MAN1C1: variants seen among roughly 807,000 people sequenced by gnomAD.
MAN1C1 encodes the protein mannosidase alpha class 1C member 1.
A neutral mutation model predicts 71.5 loss-of-function variants in MAN1C1; 49 were observed. That is an observed-to-expected ratio of 0.69 (90% CI 0.54 to 0.87). The LOEUF (loss-of-function observed/expected upper bound fraction) is 0.87, where lower values mean the gene tolerates loss of function less well. MAN1C1 is among the 40% of genes least tolerant of loss of function. The pLI, the probability that MAN1C1 is intolerant of heterozygous loss-of-function variation, is 0.00. For synonymous variants in MAN1C1, 352 were observed against 343.7 expected (o/e 1.02, Z -0.27); for missense variants, 743 against 835.0 (o/e 0.89, Z 1.36).
Position 25,711,799 on chromosome 1 carries a change from G to T in MAN1C1, c.637+25263G>T, listed in dbSNP as rs112257712. 4.1e-3 allele frequency among the ~76,000 whole-genome samples: 628 copies of T among 152,290 alleles called. 4 individuals are homozygous for T. In the Middle Eastern group the frequency reaches 0.068, roughly 16 times the overall value. On this transcript the variant is annotated intron_variant, in intron 2 of 11. Transcript: ENST00000374332. This position sits in a 1 kb window ranked among gnomAD's most constrained non-coding sequence, Gnocchi z 4.3. ...GTCTTTGCAAGCCGTGCTGTCCTGTGTGTGAAAGAGGATACTTTCTTTATT... is the reference window on the plus strand; with the variant it reads ...GTCTTTGCAAGCCGTGCTGTCCTGTTTGTGAAAGAGGATACTTTCTTTATT...
chr1:25,753,455 C>T lies in MAN1C1; in HGVS notation c.835-29C>T. ...GACCTTCCCTCACCCAGCCTGGAGT[C>T]AAAAGCCCTTTGATCCCCTCCTTTA... On this transcript the variant is annotated intron_variant, in intron 4 of 11. Coordinates refer to ENST00000374332, the MANE Select transcript of MAN1C1 (RefSeq NM_020379.4). The surrounding 1 kb of genome is among the most constrained non-coding windows in gnomAD (Gnocchi z 4.9). The T allele has an allele frequency of 6.3e-7, 1 of 1,578,364 alleles. No homozygotes were observed. The highest frequency in any genetic ancestry group is 8.7e-7 in the Non-Finnish European group (1 of 1,152,480).
At chr1:25,771,860 G>A in intron 8 of MAN1C1, 88 bp downstream of exon 8, 3 of 956,750 alleles carry the variant, frequency 3.1e-6, no homozygotes, top group Non-Finnish European at 5.0e-6. Context: ...GGGCAGCGGG[G>A]CCAGATGGGC....
In MAN1C1 at chr1:25,730,696, C is replaced by T. The variant is rs1029602505; in HGVS notation, c.638-15972C>T. 2.6e-5 allele frequency among the ~76,000 whole-genome samples: 4 copies of T among 152,202 alleles called. No homozygotes were observed. The South Asian group carries it at 8.3e-4, about 32-fold the overall frequency. ...GCAGTTCTTGCCCCAGAAGCATGCT[C>T]AGGGCTGTCACGACTGGATGAGGCC... On this transcript the variant is annotated intron_variant, in intron 2 of 11. Coordinates refer to ENST00000374332, the MANE Select transcript of MAN1C1 (RefSeq NM_020379.4). The surrounding 1 kb of genome is among the most constrained non-coding windows in gnomAD (Gnocchi z 4.3).
chr1:25,669,956 C>T (rs1216855873), intron 1 of MAN1C1, among the ~76,000 whole-genome samples: 5 of 152,254 alleles, frequency 3.3e-5, no homozygotes, highest in Non-Finnish European at 5.9e-5. Flanking sequence ...GATCCTCTTT[C>T]GGTTCCAAGA....
intron 1 of MAN1C1, among the ~76,000 whole-genome samples, chr1:25,653,176 C>T (rs1263666129): frequency 6.6e-6 from 1 of 150,842 alleles, no homozygotes; most frequent in Non-Finnish European, 1.5e-5. Flanking sequence ...CTCCTGGGCT[C>T]AAATCCATCC....
chr1:25,748,664 C>T (rs1405220040), intron 3 of MAN1C1, among the ~76,000 whole-genome samples: 1 of 152,194 alleles, frequency 6.6e-6, no homozygotes, highest in Non-Finnish European at 1.5e-5. Flanking sequence ...ATTTGCAATC[C>T]CAACTTAAGA....
chr1:25,749,201 G>A lies in MAN1C1; in HGVS notation c.754-54G>A. On this transcript the variant is annotated intron_variant, in intron 3 of 11. Coordinates refer to ENST00000374332, the MANE Select transcript of MAN1C1 (RefSeq NM_020379.4). ...AGTGGCCAGGGTGACCTGTCTCAAGGGCCTGCATCTTACAAGTGTCCCCAC... is the reference window on the plus strand; with the variant it reads ...AGTGGCCAGGGTGACCTGTCTCAAGAGCCTGCATCTTACAAGTGTCCCCAC... The A allele has an allele frequency of 4.7e-6, 7 of 1,480,220 alleles. No homozygotes were observed. In the South Asian group the frequency reaches 8.4e-5, roughly 18 times the overall value. 91.7% of individuals were successfully genotyped at this position (1,480,220 alleles called of 1,614,324 possible).
rs113400075 is a variant in MAN1C1 at position 25,753,374 on chromosome 1, C to G, written c.835-110C>G. On this transcript the variant is annotated intron_variant, in intron 4 of 11. Transcript: ENST00000374332. This position sits in a 1 kb window ranked among gnomAD's most constrained non-coding sequence, Gnocchi z 4.9. The stretch of plus-strand genomic sequence containing the variant: ...GGCTGGTGGACTGCAGCACTGCCCC[C>G]TACTCTAGACCTGCAGCCCTGGGGG... The G allele has an allele frequency of 1.4e-6, 1 of 704,854 alleles. No individual in the cohort carries two copies. The highest frequency in any genetic ancestry group is 1.8e-5 in the African/African-American group (1 of 54,630). The allele number at this position is 704,854 out of a possible 1,614,324, so 43.7% of individuals were successfully genotyped here. A position where few individuals can be genotyped will look rare whatever the true frequency, so the allele number is the denominator to read the frequency against.
Position 25,725,448 on chromosome 1 carries a change from A to G in MAN1C1, c.638-21220A>G, listed in dbSNP as rs2046819803. Reference sequence around the variant, plus strand: ...CACTGATTCTGCCTCTGGGAACTTCACAGAGCAGGTTACGTTGAGCTGGGC... The same window carrying G: ...CACTGATTCTGCCTCTGGGAACTTCGCAGAGCAGGTTACGTTGAGCTGGGC... On this transcript the variant is annotated intron_variant, in intron 2 of 11. Coordinates refer to ENST00000374332, the MANE Select transcript of MAN1C1 (RefSeq NM_020379.4). This position sits in a 1 kb window ranked among gnomAD's most constrained non-coding sequence, Gnocchi z 4.8. Among the ~76,000 whole-genome samples the G allele has an allele frequency of 6.6e-6, 1 of 152,232 alleles. No homozygotes were observed.
chr1:25,743,304 C>A (rs1361065003), intron 2 of MAN1C1, among the ~76,000 whole-genome samples: 1 of 152,216 alleles, frequency 6.6e-6, no homozygotes, highest in African/African-American at 2.4e-5. Context: ...AGTGGACCAA[C>A]ATGGAGCCCG....
intron 2 of MAN1C1, among the ~76,000 whole-genome samples, chr1:25,719,698 GA>G (rs2046737750): frequency 6.6e-6 from 1 of 152,084 alleles, no homozygotes; most frequent in Non-Finnish European, 1.5e-5. Flanking sequence ...AAAGTGCTGG[GA>G]TTATAGGTGT....
intron 2 of MAN1C1, among the ~76,000 whole-genome samples, chr1:25,732,566 C>T (rs527605896): frequency 2.6e-5 from 4 of 152,192 alleles, no homozygotes; most frequent in South Asian, 2.1e-4. Flanking sequence ...TTTGCGTCTG[C>T]GGCGTCCGGC....
chr1:25,744,256 G>A (rs554518290), intron 2 of MAN1C1, among the ~76,000 whole-genome samples: 1 of 152,238 alleles, frequency 6.6e-6, no homozygotes, highest in Admixed American at 6.5e-5. Context: ...ACCTCGAGAG[G>A]GTGAATACGG....
intron 1 of MAN1C1, among the ~76,000 whole-genome samples, chr1:25,664,003 AG>A (rs1048561940): frequency 5.9e-5 from 9 of 152,210 alleles, no homozygotes; most frequent in Non-Finnish European, 1.2e-4. Context: ...TGAGGCTGGT[AG>A]GGTTCTTCTT....
rs775929600 is a variant in MAN1C1, at chr1:25,746,678, C to G, written c.648C>G (p.Ser216Arg). ...GCTCTGTGCCTGCAGGAGGCCTCAGCGGGGCAACAGTCATTGACTCCCTCG... is the reference window on the plus strand; with the variant it reads ...GCTCTGTGCCTGCAGGAGGCCTCAGGGGGGCAACAGTCATTGACTCCCTCG... ...GYEGNMFGGL[S>R]GATVIDSLDT... Residue 216 changes from serine to arginine, a missense_variant, in exon 3 of 12, where the codon AGC becomes AGG. By Grantham distance (110) the Ser-to-Arg change is moderately radical. Coordinates refer to ENST00000374332, the MANE Select transcript of MAN1C1 (RefSeq NM_020379.4). The surrounding 1 kb of genome is among the most constrained non-coding windows in gnomAD (Gnocchi z 4.0). 6.2e-7 allele frequency: 1 copy of G among 1,613,300 alleles called. No homozygotes were observed. The highest frequency in any genetic ancestry group is 1.1e-5 in the South Asian group (1 of 91,024).
chr1:25,656,951 G>A (rs1305674478), intron 1 of MAN1C1, among the ~76,000 whole-genome samples: 10 of 151,358 alleles, frequency 6.6e-5, no homozygotes, highest in African/African-American at 2.2e-4. Context: ...TCAGCCTCCC[G>A]AGTAGCTGGG....
chr1:25,743,206 C>T (rs1044008549), intron 2 of MAN1C1, among the ~76,000 whole-genome samples: 2 of 152,174 alleles, frequency 1.3e-5, no homozygotes, highest in African/African-American at 4.8e-5. Context: ...CTGCTGATTT[C>T]TGGGCCTGTA....
At chr1:25,629,892 C>T (rs889259925) in intron 1 of MAN1C1, among the ~76,000 whole-genome samples, 10 of 152,204 alleles carry the variant, frequency 6.6e-5, no homozygotes, top group African/African-American at 1.4e-4. Flanking sequence ...TTTAGTTTAA[C>T]GAGATCCCAT....
chr1:25,617,698 C>A lies in MAN1C1; in HGVS notation c.-100C>A. The A allele has an allele frequency of 8.6e-7, 1 of 1,156,120 alleles. No individual in the cohort carries two copies. Among genetic ancestry groups the A allele is most frequent in the Non-Finnish European group, 1.2e-6 (1 of 841,676 alleles). The allele number at this position is 1,156,120 out of a possible 1,614,324, so 71.6% of individuals were successfully genotyped here. A position where few individuals can be genotyped will look rare whatever the true frequency, so the allele number is the denominator to read the frequency against. The stretch of plus-strand genomic sequence containing the variant: ...CAGGGTTGGCAACCCTGCCCAGGGA[C>A]CCCCATCCCGGGCGGCGCTCCGGAC... On this transcript the variant is annotated 5_prime_UTR_variant, in exon 1 of 12. Transcript: ENST00000374332. This position sits in a 1 kb window ranked among gnomAD's most constrained non-coding sequence, Gnocchi z 5.1.
Sources: gnomAD v4.1 joint callset for allele counts (sites outside exome capture counted in the v4.1 genomes callset) on GRCh38, gnomAD v4.1.1 for gene constraint, Gnocchi (gnomAD v3.1) non-coding constraint, MANE v1.5 for transcripts, NCBI Gene and HGNC (gene_info 2026-07-23, HGNC 2026-07-21) for gene names.